PAFAH1B1: variants seen among roughly 807,000 people sequenced by gnomAD.
The protein encoded by PAFAH1B1 is platelet-activating factor acetylhydrolase IB subunit beta.
PAFAH1B1 carries 2 observed loss-of-function variants against 57.5 expected under a neutral mutation model. That is an observed-to-expected ratio of 0.03 (90% CI 0.01 to 0.11). The LOEUF is 0.11. Among genes scored for constraint, PAFAH1B1 ranks in the 10% least tolerant of loss-of-function variants. PAFAH1B1 has a pLI of 1.00. For missense variants in PAFAH1B1, 257 were observed against 512.0 expected (o/e 0.50, Z 4.81); for synonymous variants, 152 against 169.6 (o/e 0.90, Z 0.81).
At chr17:2,669,874 G>A (rs1044566988) in intron 5 of PAFAH1B1, among the ~76,000 whole-genome samples, 16 of 151,868 alleles carry the variant, frequency 1.1e-4, no homozygotes, top group African/African-American at 2.9e-4. Flanking sequence ...GACAGGGAGC[G>A]GACTATGTCT....
intron 5 of PAFAH1B1, among the ~76,000 whole-genome samples, chr17:2,668,060 C>G (rs1037872558): frequency 6.6e-6 from 1 of 151,980 alleles, no homozygotes; most frequent in Non-Finnish European, 1.5e-5. Flanking sequence ...CACGGTGGCT[C>G]ACGCCTGTAA....
intron 2 of PAFAH1B1, among the ~76,000 whole-genome samples, chr17:2,658,218 A>G (rs969678034): frequency 2.0e-5 from 3 of 152,192 alleles, no homozygotes; most frequent in African/African-American, 7.2e-5. Context: ...CAGCTGGGTT[A>G]GTGTGACATT....
rs549787274 is a variant in PAFAH1B1, at chr17:2,661,043, A to G, written c.33-4329A>G. Among the ~76,000 whole-genome samples, 16 of 152,034 alleles carry G rather than the reference A, an allele frequency of 1.1e-4. No homozygotes were observed. In the South Asian group the frequency reaches 3.3e-3, roughly 32 times the overall value. Reference sequence around the variant, plus strand: ...TTTCATATGTTTTTTGGCCACATAAATGTCTTCTTTTGAGAAGTGTCTGTT... The same window carrying G: ...TTTCATATGTTTTTTGGCCACATAAGTGTCTTCTTTTGAGAAGTGTCTGTT... On this transcript the variant is annotated intron_variant, in intron 2 of 10. Transcript: ENST00000397195.
chr17:2,619,776 T>C (rs1397671946), intron 1 of PAFAH1B1, among the ~76,000 whole-genome samples: 1 of 152,146 alleles, frequency 6.6e-6, no homozygotes, highest in Non-Finnish European at 1.5e-5. Flanking sequence ...GGAGACTTTG[T>C]GAACATCAAA....
chr17:2,657,535 C>T (rs1376449428), intron 2 of PAFAH1B1, among the ~76,000 whole-genome samples: 1 of 152,252 alleles, frequency 6.6e-6, no homozygotes, highest in African/African-American at 2.4e-5. Flanking sequence ...TGAGCTACCA[C>T]GCCTGGCCAA....
At chr17:2,676,822 G>T (rs987290200) in intron 9 of PAFAH1B1, among the ~76,000 whole-genome samples, 1 of 152,116 alleles carries the variant, frequency 6.6e-6, no homozygotes, top group African/African-American at 2.4e-5. Flanking sequence ...AGAGCCAGTC[G>T]GTGTTTGAGG....
chr17:2,681,565 A>G (rs896281581), intron 10 of PAFAH1B1, 164 bp from the exon 11 acceptor site: 1 of 605,976 alleles, frequency 1.7e-6, no homozygotes, highest in Non-Finnish European at 2.9e-6. Context: ...TCCCAGCTCA[A>G]ACAGTTCTGC....
intron 9 of PAFAH1B1, among the ~76,000 whole-genome samples, chr17:2,676,929 G>A (rs537689145): frequency 9.2e-5 from 14 of 152,280 alleles, no homozygotes; most frequent in African/African-American, 1.9e-4. Flanking sequence ...TTGGGAGGCC[G>A]AGGCGGGTGG....
At chr17:2,616,731 GA>G (rs1474790137) in intron 1 of PAFAH1B1, among the ~76,000 whole-genome samples, 2 of 152,140 alleles carry the variant, frequency 1.3e-5, no homozygotes, top group Non-Finnish European at 2.9e-5. Context: ...GACTGTAATA[GA>G]AACCATCTCA....
At chr17:2,619,405 A>T (rs190711933) in intron 1 of PAFAH1B1, among the ~76,000 whole-genome samples, 4,452 of 151,996 alleles carry the variant, frequency 0.029, 81 homozygotes, top group South Asian at 0.043. Context: ...ATTAAAAAAA[A>T]TTTTTTTGGT....
chr17:2,651,311 T>C lies in PAFAH1B1; in HGVS notation c.32+12991T>C, dbSNP rs369361280. ...ATACATTTTGGCCGGGTGCGGTGGCTCACGTATGTAATCCTAGCATTTTGG... is the reference window on the plus strand; with the variant it reads ...ATACATTTTGGCCGGGTGCGGTGGCCCACGTATGTAATCCTAGCATTTTGG... On this transcript the variant is annotated intron_variant, in intron 2 of 10. Transcript: ENST00000397195. Among the ~76,000 whole-genome samples the C allele has an allele frequency of 1.2e-4, 18 of 150,690 alleles. No homozygotes were observed. In the South Asian group the frequency reaches 3.8e-3, roughly 31 times the overall value.
chr17:2,632,073 G>A (rs1042491487), intron 1 of PAFAH1B1, among the ~76,000 whole-genome samples: 2 of 151,970 alleles, frequency 1.3e-5, no homozygotes, highest in African/African-American at 2.4e-5. Context: ...ATTTTACTTC[G>A]ATTTGATGTA....
intron 2 of PAFAH1B1, among the ~76,000 whole-genome samples, chr17:2,663,170 G>A (rs192945108): frequency 2.6e-5 from 4 of 151,894 alleles, no homozygotes; most frequent in Non-Finnish European, 5.9e-5. Flanking sequence ...CCCAGCTACT[G>A]GGGAGGCTGA....
chr17:2,676,100 G>A (rs960414861), intron 8 of PAFAH1B1, among the ~76,000 whole-genome samples: 10 of 152,210 alleles, frequency 6.6e-5, no homozygotes, highest in South Asian at 6.2e-4. Context: ...TGGGCTGGGC[G>A]CAGTGGCTCA....
rs766949259 is a variant in PAFAH1B1 at position 2,680,324 on chromosome 17, T to C, written c.1159+4T>C. The C allele has an allele frequency of 7.4e-6, 12 of 1,613,704 alleles. No homozygotes were observed. The highest frequency in any genetic ancestry group is 1.0e-5 in the Non-Finnish European group (12 of 1,179,622). ...GAACACTTTGTTACCTCCTTGGGTA[T>C]GTACGCCTCGCGAGGTCTCTGAACA... On this transcript the variant is annotated splice_donor_region_variant and intron_variant, in intron 10 of 10. Coordinates refer to ENST00000397195, the MANE Select transcript of PAFAH1B1 (RefSeq NM_000430.4).
intron 1 of PAFAH1B1, among the ~76,000 whole-genome samples, chr17:2,599,057 G>A (rs2068112690): frequency 6.6e-6 from 1 of 152,070 alleles, no homozygotes; most frequent in African/African-American, 2.4e-5. Flanking sequence ...TACCTAGATA[G>A]GACTAATCTG....
At position 2,674,212 on chromosome 17, in the gene PAFAH1B1, A is replaced by G; in HGVS notation, c.824A>G (p.His275Arg). Residue 275 changes from histidine to arginine, a missense_variant, in exon 8 of 11, where the codon CAT (histidine) becomes CGT (arginine). His to Arg is a conservative substitution (Grantham distance 29). Coordinates refer to ENST00000397195, the MANE Select transcript of PAFAH1B1 (RefSeq NM_000430.4). ...GAATGCAAGGCTGAGCTCCGAGAGC[A>G]TGAGCATGTGGTAGAATGCATTTCC... is the stretch of plus-strand genomic sequence containing the variant. ...TKECKAELRE[H>R]EHVVECISWA... The G allele has an allele frequency of 6.2e-7, 1 of 1,614,130 alleles. No individual in the cohort carries two copies. Among genetic ancestry groups the G allele is most frequent in the Non-Finnish European group, 8.5e-7 (1 of 1,179,968 alleles).
rs1397384356 is a variant in PAFAH1B1, at chr17:2,682,000, C to T, written c.*198C>T. On this transcript the variant is annotated 3_prime_UTR_variant, in exon 11 of 11. Transcript: ENST00000397195. ...AAATTGTATACTGTAAATTTACATA[C>T]GTTGTCTAGAAGTACCATAGGGTTT... 2.0e-5 allele frequency: 11 copies of T among 553,962 alleles called. No homozygotes were observed. Among genetic ancestry groups the T allele is most frequent in the South Asian group, 7.5e-5 (3 of 40,184 alleles). The allele number at this position is 553,962 out of a possible 1,614,324, so 34.3% of individuals were successfully genotyped here.
chr17:2,674,422 C>G (rs770747120), intron 8 of PAFAH1B1, 134 bp downstream of exon 8: 1 of 712,016 alleles, frequency 1.4e-6, no homozygotes, highest in South Asian at 1.5e-5. Flanking sequence ...TCTTGAAATT[C>G]TCTACTCTTC....
Sources: allele counts gnomAD v4.1 joint callset (sites outside exome capture counted in the v4.1 genomes callset), GRCh38; gene constraint gnomAD v4.1.1; transcripts MANE v1.5; gene names NCBI Gene and HGNC (gene_info 2026-07-23, HGNC 2026-07-21).